Variants in FADS6 observed in about 807,000 individuals in gnomAD.
FADS6 encodes fatty acid desaturase domain family, member 6.
In FADS6, 28 loss-of-function variants were observed where a neutral mutation model predicts 31.7. The observed-to-expected ratio is 0.88, with a 90% confidence interval of 0.66 to 1.21. The LOEUF (loss-of-function observed/expected upper bound fraction) is 1.21. Ranked by LOEUF, FADS6 falls within the 50% of genes most tolerant of loss-of-function variation. The pLI, the probability that FADS6 is intolerant of heterozygous loss-of-function variation, is 0.00. For synonymous variants in FADS6, 191 were observed against 213.1 expected, an observed-to-expected ratio of 0.90 and a Z score of 0.90; for missense variants, 494 against 504.2, an observed-to-expected ratio of 0.98 and a Z score of 0.19.
In FADS6 at chr17:74,880,921, G is replaced by A. The variant is rs558662180; in HGVS notation, c.780+147C>T. ...AGGCAGGGTCTCTCCAGGACGAGGC[G>A]AGGGCACAGTGTGATGAGAGCGAGA... On this transcript the variant is annotated intron_variant, in intron 4 of 5. Coordinates refer to ENST00000612771, the MANE Select transcript of FADS6 (RefSeq NM_178128.6). 2.2e-5 allele frequency: 18 copies of A among 815,324 alleles called. No individual in the cohort carries two copies. In the East Asian group the frequency reaches 2.5e-4, roughly 11 times the overall value. 50.5% of individuals were successfully genotyped at this position (815,324 alleles called of 1,614,324 possible). A position where few individuals can be genotyped will look rare whatever the true frequency, so the allele number is the denominator to read the frequency against.
intron 1 of FADS6, 74 bp downstream of exon 1, chr17:74,893,278 C>T (rs2038712098): frequency 3.5e-6 from 5 of 1,424,510 alleles, no homozygotes; most frequent in African/African-American, 1.5e-5. Context: ...GTTGCAGACC[C>T]CGCGCCGCCA....
chr17:74,879,456 C>T lies in FADS6; in HGVS notation c.908G>A (p.Cys303Tyr). Reference protein sequence around the residue: ...DWAFGHSIISCHVEHHLFPRL... With the variant: ...DWAFGHSIISYHVEHHLFPRL... ...GGGGAATAGATGGTGTTCCACATGGCAGCTGATGATCGAGTGGCCGAACGC... is the reference window on the plus strand; with the variant it reads ...GGGGAATAGATGGTGTTCCACATGGTAGCTGATGATCGAGTGGCCGAACGC... The change falls in exon 5 of 6, where the codon TGC becomes TAC. Residue 303 changes from cysteine (C) to tyrosine (Y), a missense_variant. By Grantham distance (194) the Cys-to-Tyr change is radical. Transcript: ENST00000612771. The T allele has an allele frequency of 6.2e-7, 1 of 1,613,992 alleles. No individual in the cohort carries two copies. Among genetic ancestry groups the T allele is most frequent in the Non-Finnish European group, 8.5e-7 (1 of 1,179,904 alleles).
downstream of FADS6, among the ~76,000 whole-genome samples, chr17:74,876,136 T>C (rs1188484108): frequency 1.3e-5 from 2 of 152,106 alleles, no homozygotes; most frequent in African/African-American, 4.8e-5. Context: ...ACCAGTGGCC[T>C]CTGTGCAGCT....
chr17:74,877,741 T>C lies in FADS6; in HGVS notation c.*590A>G, dbSNP rs73997534. On this transcript the variant is annotated 3_prime_UTR_variant, in exon 6 of 6. Transcript: ENST00000612771. The stretch of plus-strand genomic sequence containing the variant: ...ACTCACTTTTATCTTGCTGATACTG[T>C]GGCCTGGGGAACTGCTGAGCCAGTG... 0.024 allele frequency: 23,341 copies of C among 985,516 alleles called. 3,350 individuals are homozygous for C. The African/African-American group carries it at 0.33, about 14-fold the overall frequency. 61.0% of individuals were successfully genotyped at this position (985,516 alleles called of 1,614,324 possible). A position where few individuals can be genotyped will look rare whatever the true frequency, so the allele number is the denominator to read the frequency against.
chr17:74,877,021 T>C (rs1452463176), downstream of FADS6, among the ~76,000 whole-genome samples: 1 of 152,096 alleles, frequency 6.6e-6, no homozygotes, highest in African/African-American at 2.4e-5. Context: ...CTGCCTGGCA[T>C]TGGTAGTTCC....
Position 74,893,448 on chromosome 17 carries a change from C to T in FADS6, c.148G>A (p.Val50Met). 1 of 1,589,366 alleles carries T rather than the reference C, an allele frequency of 6.3e-7. No individual in the cohort carries two copies. The highest frequency in any genetic ancestry group is 8.5e-7 in the Non-Finnish European group (1 of 1,169,710). Residue 50 changes from valine (V) to methionine (M), a missense_variant, in exon 1 of 6, where the codon GTG (valine) becomes ATG (methionine). This residue lies in a region of FADS6 where 454 missense variants were observed against 438.5 expected (regional missense o/e 1.04). Transcript: ENST00000612771. ...GTCCTCACCACGTCCTGCACCAGCA[C>T]CTCCAGCTCCCGCAGCAGCGCCTCG... The part of the protein sequence containing the change: ...GGEALLRELE[V>M]LVQDVVRTSS...
chr17:74,883,021 T>C lies in FADS6; in HGVS notation c.412-311A>G, dbSNP rs889918495. 5.8e-6 allele frequency: 3 copies of C among 521,474 alleles called. No individual in the cohort carries two copies. The South Asian group carries it at 6.1e-5, about 11-fold the overall frequency. The allele number at this position is 521,474 out of a possible 1,614,324, so 32.3% of individuals were successfully genotyped here. A position where few individuals can be genotyped will look rare whatever the true frequency, so the allele number is the denominator to read the frequency against. On this transcript the variant is annotated intron_variant, in intron 2 of 5. Transcript: ENST00000612771. Reference sequence around the variant, plus strand: ...AGGCAATGAGTCTCAGAGTCTGTCGTGATTGGAGGCACTGCAGGTGATGAC... The same window carrying C: ...AGGCAATGAGTCTCAGAGTCTGTCGCGATTGGAGGCACTGCAGGTGATGAC...
chr17:74,886,724 C>T (rs1337197239), intron 2 of FADS6, among the ~76,000 whole-genome samples: 2 of 152,202 alleles, frequency 1.3e-5, no homozygotes, highest in Admixed American at 1.3e-4. Flanking sequence ...CTCTGCCTGC[C>T]ATACGCCCCC....
intron 2 of FADS6, among the ~76,000 whole-genome samples, chr17:74,889,776 C>G (rs900118200): frequency 1.5e-5 from 2 of 133,512 alleles, no homozygotes; most frequent in South Asian, 5.0e-4. Context: ...GAGGCTGAGG[C>G]GGGAGAATCA....
At position 74,878,195 on chromosome 17, in the gene FADS6, T is replaced by C; in HGVS notation, c.*136A>G. 1 of 1,439,318 alleles carries C rather than the reference T, an allele frequency of 6.9e-7. No homozygotes were observed. Among genetic ancestry groups the C allele is most frequent in the East Asian group, 2.5e-5 (1 of 39,530 alleles). The allele number at this position is 1,439,318 out of a possible 1,614,324, so 89.2% of individuals were successfully genotyped here. On this transcript the variant is annotated 3_prime_UTR_variant, in exon 6 of 6. Coordinates refer to ENST00000612771, the MANE Select transcript of FADS6 (RefSeq NM_178128.6). ...CCCAGACCCCAGGCCTGAGCTCCCC[T>C]GCCCCCCTGCCTGGCCGGTGCCTCC... is the stretch of plus-strand genomic sequence containing the variant.
chr17:74,876,241 C>T (rs781387890), downstream of FADS6, among the ~76,000 whole-genome samples: 6 of 152,190 alleles, frequency 3.9e-5, no homozygotes, highest in Non-Finnish European at 7.3e-5. Context: ...CCCCCAGGCT[C>T]CCATTTGCCG....
rs1032659753 is a variant in FADS6, at chr17:74,888,160, G to A, written c.411+4363C>T. Among the ~76,000 whole-genome samples, 323 of 109,070 alleles carry A rather than the reference G, an allele frequency of 3.0e-3. 4 individuals are homozygous for A. The highest frequency in any genetic ancestry group is 0.017 in the South Asian group (66 of 3,932). 71.6% of individuals were successfully genotyped at this position (109,070 alleles called of 152,430 possible). A position where few individuals can be genotyped will look rare whatever the true frequency, so the allele number is the denominator to read the frequency against. On this transcript the variant is annotated intron_variant, in intron 2 of 5. Transcript: ENST00000612771. ...CACACACACACACACACACACGCGC[G>A]CGCGCGCGCGCGCAGAGTACCAATG...
Position 74,878,493 on chromosome 17 carries a change from C to T in FADS6, c.961-16G>A, listed in dbSNP as rs752125226. On this transcript the variant is annotated splice_polypyrimidine_tract_variant and intron_variant, in intron 5 of 5. Coordinates refer to ENST00000612771, the MANE Select transcript of FADS6 (RefSeq NM_178128.6). ...CGGGCTTCACCTGGTGGAAGATGGG[C>T]AGGAGAGGGCCTATGAGCAGGGGCT... 9 of 1,612,872 alleles carry T rather than the reference C, an allele frequency of 5.6e-6. No homozygotes were observed. The African/African-American group carries it at 1.2e-4, about 21-fold the overall frequency.
chr17:74,880,677 G>A (rs186737661), intron 4 of FADS6, among the ~76,000 whole-genome samples: 4 of 152,218 alleles, frequency 2.6e-5, no homozygotes, highest in East Asian at 1.9e-4. Context: ...ACCAAAACTC[G>A]AATGATCCTC....
At position 74,877,456 on chromosome 17, in the gene FADS6, G is replaced by C. The variant is rs112441251; in HGVS notation, c.*875C>G. ...TCAGGTGATTCTTCTGCCTCAGCCT[G>C]CCAAGTAGCTGGGACTACAAGTGTA... is the stretch of plus-strand genomic sequence containing the variant. On this transcript the variant is annotated 3_prime_UTR_variant, in exon 6 of 6. Coordinates refer to ENST00000612771, the MANE Select transcript of FADS6 (RefSeq NM_178128.6). 14,863 of 154,268 alleles carry C rather than the reference G, an allele frequency of 0.096. 2,193 individuals are homozygous for C. Among genetic ancestry groups the C allele is most frequent in the African/African-American group, 0.32 (13,369 of 41,462 alleles). 9.6% of individuals were successfully genotyped at this position (154,268 alleles called of 1,614,324 possible).
chr17:74,882,426 C>T (rs1014290987), intron 3 of FADS6, 104 bp downstream of exon 3: 11 of 1,303,656 alleles, frequency 8.4e-6, no homozygotes, highest in East Asian at 7.6e-5. Flanking sequence ...ACGTATCTAT[C>T]GGGCCTTCCT....
downstream of FADS6, among the ~76,000 whole-genome samples, chr17:74,875,688 AT>A (rs1249051576): frequency 6.6e-6 from 1 of 152,244 alleles, no homozygotes; most frequent in African/African-American, 2.4e-5. Context: ...CAAATGGAGA[AT>A]TAGCAGTTTG....
chr17:74,875,793 A>G (rs1387344027), downstream of FADS6, among the ~76,000 whole-genome samples: 1 of 152,220 alleles, frequency 6.6e-6, no homozygotes, highest in East Asian at 1.9e-4. Flanking sequence ...TGGGCTGGGG[A>G]GCCGCCAAGC....
rs772737309 is a variant in FADS6, at chr17:74,893,397, C to T, written c.199G>A (p.Val67Met). Residue 67 changes from valine to methionine, a missense_variant, in exon 1 of 6, where the codon GTG (valine) becomes ATG (methionine). Around this residue, in one of 2 missense-constraint regions of FADS6, gnomAD observed 454 missense variants for 438.5 expected, o/e 1.04. Transcript: ENST00000612771. ...RTSSWWERHG[V>M]DCAILALSLF... ...CTGAGCGCGAGGATGGCGCAGTCCA[C>T]GCCGTGGCGCTCCCACCAGGAGCTC... 6.5e-7 allele frequency: 1 copy of T among 1,542,360 alleles called. No individual in the cohort carries two copies. The highest frequency in any genetic ancestry group is 1.2e-5 in the South Asian group (1 of 83,204).
Sources: gnomAD v4.1 joint callset for allele counts (sites outside exome capture counted in the v4.1 genomes callset) on GRCh38, gnomAD v4.1.1 for gene constraint, gnomAD v4.1.1 regional missense constraint, MANE v1.5 for transcripts, NCBI Gene and HGNC (gene_info 2026-07-23, HGNC 2026-07-21) for gene names.